The following SLC45A4 variants were observed in gnomAD, a reference collection of about 807,000 sequenced individuals.
The protein encoded by SLC45A4 is polyamine-transporter SLC45A4.
In SLC45A4, 32 loss-of-function variants were observed where a neutral mutation model predicts 63.7. That is an observed-to-expected ratio of 0.50 (90% CI 0.38 to 0.67). SLC45A4 has a LOEUF of 0.67. Among genes scored for constraint, SLC45A4 ranks in the 30% least tolerant of loss-of-function variants. The pLI is 0.00. For synonymous variants in SLC45A4, 535 were observed against 510.0 expected (o/e 1.05, Z -0.66); for missense variants, 1,027 against 1,157.7 (o/e 0.89, Z 1.64).
At chr8:141,240,566 C>T (rs556386439) in intron 2 of SLC45A4, among the ~76,000 whole-genome samples, 7 of 152,164 alleles carry the variant, frequency 4.6e-5, no homozygotes, top group South Asian at 2.1e-4. Context: ...TTCCACAACA[C>T]GCTTTTAAAA....
In SLC45A4 at chr8:141,254,598, C is replaced by T. The variant is rs1275131824; in HGVS notation, c.-369G>A. ...GGGAAGGTGATACAAACAGGTGGTC[C>T]GCTGGTAATCCCCATCGAGTGACTG... On this transcript the variant is annotated 5_prime_UTR_variant, in exon 2 of 9. Transcript: ENST00000517878. The surrounding 1 kb of genome is among the most constrained non-coding windows in gnomAD (Gnocchi z 4.5). 2.1e-5 allele frequency: 15 copies of T among 701,848 alleles called. 1 individual carries two copies. Among genetic ancestry groups the T allele is most frequent in the Admixed American group, 1.0e-4 (5 of 49,970 alleles). The allele number at this position is 701,848 out of a possible 1,614,324, so 43.5% of individuals were successfully genotyped here. A position where few individuals can be genotyped will look rare whatever the true frequency, so the allele number is the denominator to read the frequency against.
At chr8:141,232,067 C>T (rs1157473127) in intron 2 of SLC45A4, among the ~76,000 whole-genome samples, 1 of 152,262 alleles carries the variant, frequency 6.6e-6, no homozygotes, top group Non-Finnish European at 1.5e-5. Context: ...GACTCAGGCT[C>T]TGCATCTCTC....
intron 6 of SLC45A4, 152 bp from the exon 7 acceptor site, chr8:141,216,122 A>G: frequency 2.9e-6 from 2 of 700,784 alleles, no homozygotes; most frequent in South Asian, 3.5e-5. Context: ...CAGCTGGCAC[A>G]GGCCTCCGGC....
At chr8:141,230,921 C>A (rs1053122257) in intron 2 of SLC45A4, among the ~76,000 whole-genome samples, 1 of 152,224 alleles carries the variant, frequency 6.6e-6, no homozygotes, top group Admixed American at 6.5e-5. Context: ...TCCAGGAATG[C>A]GGATGCTGGG....
chr8:141,228,715 C>T lies in SLC45A4; in HGVS notation c.242-6950G>A, dbSNP rs541886379. 18 of 767,638 alleles carry T rather than the reference C, an allele frequency of 2.3e-5. 1 individual carries two copies. The highest frequency in any genetic ancestry group is 1.9e-5 in the African/African-American group (1 of 53,190). 47.6% of individuals were successfully genotyped at this position (767,638 alleles called of 1,614,324 possible). A position where few individuals can be genotyped will look rare whatever the true frequency, so the allele number is the denominator to read the frequency against. On this transcript the variant is annotated intron_variant, in intron 2 of 8. Coordinates refer to ENST00000517878, the MANE Select transcript of SLC45A4 (RefSeq NM_001286646.2). ...GATTCCGGAAGCTTCCTGAAGAGCA[C>T]AAAATGCAGGTCAGGCCATGTCCTG...
rs377696045 is a variant in SLC45A4, at chr8:141,282,553, G to A, written c.-401+25543C>T. Among the ~76,000 whole-genome samples, 8 of 152,348 alleles carry A rather than the reference G, an allele frequency of 5.3e-5. No homozygotes were observed. In the East Asian group the frequency reaches 7.7e-4, roughly 15 times the overall value. ...CAGGCCACCACTCAGGGCGCGCTGC[G>A]CTCAGCTCACACCACCCCGTGCACA... On this transcript the variant is annotated intron_variant, in intron 1 of 8. Transcript: ENST00000517878.
rs149832459 is a variant in SLC45A4, at chr8:141,283,806, G to A, written c.-401+24290C>T. On this transcript the variant is annotated intron_variant, in intron 1 of 8. Transcript: ENST00000517878. ...CAGCTCCACCCTGCTCCCTACTGCA[G>A]CAGGGCCCATGATGGCTGGACATTT... is the stretch of plus-strand genomic sequence containing the variant. Among the ~76,000 whole-genome samples, 265 of 152,350 alleles carry A rather than the reference G, an allele frequency of 1.7e-3. 2 individuals carry two copies. Among genetic ancestry groups the A allele is most frequent in the African/African-American group, 6.2e-3 (258 of 41,592 alleles).
At chr8:141,301,762 A>AAAAAAAAAAAAAC (rs71322124) in intron 1 of SLC45A4, among the ~76,000 whole-genome samples, 1 of 126,624 alleles carries the variant, frequency 7.9e-6, no homozygotes, top group South Asian at 2.6e-4. Context: ...AAAAAAAAAA[A>AAAAAAAAAAAAAC]TCCTGGGCAA....
At chr8:141,219,469 G>A (rs754315280) in intron 4 of SLC45A4, among the ~76,000 whole-genome samples, 181 bp downstream of exon 4, 1 of 152,148 alleles carries the variant, frequency 6.6e-6, no homozygotes, top group African/African-American at 2.4e-5. Flanking sequence ...TGGCCCCACT[G>A]TGCTTGGTGG....
rs1350545130 is a variant in SLC45A4 at position 141,210,067 on chromosome 8, T to G, written c.*1505A>C. 1 of 152,248 alleles carries G rather than the reference T, an allele frequency of 6.6e-6. No individual in the cohort carries two copies. The highest frequency in any genetic ancestry group is 1.9e-4 in the East Asian group (1 of 5,206). The allele number at this position is 152,248 out of a possible 1,614,324, so 9.4% of individuals were successfully genotyped here. A position where few individuals can be genotyped will look rare whatever the true frequency, so the allele number is the denominator to read the frequency against. ...TGCCACCCCACATCCGCTGCTTTCT[T>G]GCCTCCAACTGTTTTATAGTCGTCA... is the stretch of plus-strand genomic sequence containing the variant. On this transcript the variant is annotated 3_prime_UTR_variant, in exon 9 of 9. Transcript: ENST00000517878.
chr8:141,217,749 C>T (rs930718067), intron 5 of SLC45A4, among the ~76,000 whole-genome samples: 33 of 152,324 alleles, frequency 2.2e-4, no homozygotes, highest in African/African-American at 7.7e-4. Flanking sequence ...ACCCCGTTCA[C>T]ACCAGTATCA....
intron 1 of SLC45A4, among the ~76,000 whole-genome samples, chr8:141,272,376 C>G (rs1363453391): frequency 1.3e-5 from 2 of 152,210 alleles, no homozygotes; most frequent in Admixed American, 1.3e-4. Flanking sequence ...GCTCTGTCTC[C>G]CAGTGCACCC....
intron 1 of SLC45A4, among the ~76,000 whole-genome samples, chr8:141,291,237 C>G (rs1449094508): frequency 2.0e-5 from 3 of 152,160 alleles, no homozygotes; most frequent in Non-Finnish European, 4.4e-5. Context: ...TTTGTGAGAA[C>G]AAGTTTACAG....
chr8:141,291,476 G>C (rs975016870), intron 1 of SLC45A4, among the ~76,000 whole-genome samples: 1 of 152,136 alleles, frequency 6.6e-6, no homozygotes, highest in African/African-American at 2.4e-5. Flanking sequence ...AACAAAAAAG[G>C]GGGGGCAAAT....
intron 1 of SLC45A4, among the ~76,000 whole-genome samples, chr8:141,293,919 C>A (rs1486510479): frequency 3.4e-5 from 5 of 145,710 alleles, no homozygotes; most frequent in African/African-American, 1.3e-4. Context: ...GGCAACAGAG[C>A]GAGACTCTAT....
intron 1 of SLC45A4, among the ~76,000 whole-genome samples, chr8:141,277,536 TCAA>T (rs1829772171): frequency 6.6e-6 from 1 of 152,154 alleles, no homozygotes; most frequent in South Asian, 2.1e-4. Context: ...CGTGATAAAA[TCAA>T]CATGATTCAC....
intron 1 of SLC45A4, among the ~76,000 whole-genome samples, chr8:141,272,177 A>G (rs1167828250): frequency 6.6e-6 from 1 of 152,262 alleles, no homozygotes; most frequent in Admixed American, 6.5e-5. Flanking sequence ...CTATATAAAG[A>G]CAGGAAATGC....
chr8:141,298,910 T>G (rs1830650638), intron 1 of SLC45A4, among the ~76,000 whole-genome samples: 12 of 149,448 alleles, frequency 8.0e-5, no homozygotes, highest in African/African-American at 2.0e-4. Context: ...CAGTGGGGGG[T>G]GGGGGGAGCT....
chr8:141,286,498 C>G (rs1399989067), intron 1 of SLC45A4, among the ~76,000 whole-genome samples: 2 of 152,206 alleles, frequency 1.3e-5, no homozygotes, highest in Non-Finnish European at 2.9e-5. Context: ...AAACCCTTTC[C>G]AGATGAGGGC....
Sources: gnomAD v4.1 joint callset for allele counts (sites outside exome capture counted in the v4.1 genomes callset) on GRCh38, gnomAD v4.1.1 for gene constraint, Gnocchi (gnomAD v3.1) non-coding constraint, MANE v1.5 for transcripts, NCBI Gene and HGNC (gene_info 2026-07-23, HGNC 2026-07-21) for gene names.